Variants in STX6 observed in about 807,000 individuals in gnomAD.
STX6 encodes the protein syntaxin-6.
A neutral mutation model predicts 38.0 loss-of-function variants in STX6; 23 were observed. That is an observed-to-expected ratio of 0.60 (90% CI 0.43 to 0.86). STX6 has a LOEUF of 0.86. Among genes scored for constraint, STX6 ranks in the 40% least tolerant of loss-of-function variants. The pLI is 0.00. For missense variants in STX6, 274 were observed against 312.9 expected (o/e 0.88, Z 0.94); for synonymous variants, 123 against 107.5 (o/e 1.14, Z -0.89).
intron 1 of STX6, among the ~76,000 whole-genome samples, chr1:181,019,228 T>C (rs563675920): frequency 6.6e-6 from 1 of 152,240 alleles, no homozygotes; most frequent in East Asian, 1.9e-4. Flanking sequence ...ATTGCCCAAC[T>C]TAGGCCTTTG....
intron 3 of STX6, among the ~76,000 whole-genome samples, chr1:180,999,880 C>A (rs1453193541): frequency 6.6e-6 from 1 of 152,188 alleles, no homozygotes; most frequent in East Asian, 1.9e-4. Context: ...TCTGCTAACC[C>A]TCTGCTCCCT....
intron 5 of STX6, chr1:180,988,597 T>A: frequency 2.7e-6 from 1 of 375,356 alleles, no homozygotes; most frequent in Non-Finnish European, 5.0e-6. Context: ...CCAAGAGAGA[T>A]TTACTCTGGT....
chr1:181,005,035 C>T (rs1435653407), intron 2 of STX6, among the ~76,000 whole-genome samples: 1 of 150,900 alleles, frequency 6.6e-6, no homozygotes, highest in Non-Finnish European at 1.5e-5. Context: ...CCAGGGTCCA[C>T]AGTCATAATC....
At chr1:181,003,798 A>T (rs2102320890) in intron 2 of STX6, among the ~76,000 whole-genome samples, 1 of 152,330 alleles carries the variant, frequency 6.6e-6, no homozygotes, top group Non-Finnish European at 1.5e-5. Flanking sequence ...AGGCTATATA[A>T]TGAAGTTTTT....
At chr1:180,992,963 A>AT (rs1655795827) in intron 4 of STX6, among the ~76,000 whole-genome samples, 1 of 152,226 alleles carries the variant, frequency 6.6e-6, no homozygotes, top group Admixed American at 6.5e-5. Flanking sequence ...CATGACACAC[A>AT]TCTCTCCTCA....
intron 4 of STX6, 110 bp downstream of exon 4, chr1:180,993,253 A>G (rs1048671980): frequency 2.9e-6 from 2 of 697,126 alleles, no homozygotes; most frequent in African/African-American, 3.6e-5. Flanking sequence ...GCCTGCAAGC[A>G]GAAGTCTTCC....
chr1:181,012,949 C>A (rs541318314), intron 1 of STX6, among the ~76,000 whole-genome samples: 4 of 152,148 alleles, frequency 2.6e-5, no homozygotes, highest in African/African-American at 9.7e-5. Context: ...ATTGGTATTA[C>A]AGGCATGAGC....
intron 1 of STX6, among the ~76,000 whole-genome samples, chr1:181,022,017 CCT>C (rs1656742246): frequency 6.6e-6 from 1 of 152,140 alleles, no homozygotes; most frequent in South Asian, 2.1e-4. Context: ...CGACTGCTTT[CCT>C]CTCCTCACAT....
At chr1:180,992,344 C>T (rs1655778640) in intron 4 of STX6, among the ~76,000 whole-genome samples, 1 of 152,226 alleles carries the variant, frequency 6.6e-6, no homozygotes, top group South Asian at 2.1e-4. Context: ...CCTGCCCCTT[C>T]TTCAAGCTTC....
chr1:180,984,231 C>CA (rs112816132), intron 7 of STX6, among the ~76,000 whole-genome samples: 295 of 139,404 alleles, frequency 2.1e-3, no homozygotes, highest in African/African-American at 5.5e-3. Context: ...TAAGGCATCA[C>CA]AAAAAAAAAA....
At chr1:180,990,617 G>A (rs1205729517) in intron 4 of STX6, among the ~76,000 whole-genome samples, 3 of 152,080 alleles carry the variant, frequency 2.0e-5, no homozygotes, top group Non-Finnish European at 1.5e-5. Flanking sequence ...CACACACAAA[G>A]GCACAAGAAC....
chr1:180,988,386 C>G, intron 5 of STX6, 41 bp from the exon 6 acceptor site: 1 of 1,522,860 alleles, frequency 6.6e-7, no homozygotes, highest in Non-Finnish European at 9.1e-7. Context: ...TAAAATCCAT[C>G]TTACCTGGTT....
intron 1 of STX6, among the ~76,000 whole-genome samples, chr1:181,009,107 A>G (rs72709645): frequency 0.03 from 4,584 of 152,302 alleles, 91 homozygotes; most frequent in Non-Finnish European, 0.046. Context: ...TACAAATTAT[A>G]TATCTGATTA....
intron 7 of STX6, among the ~76,000 whole-genome samples, chr1:180,979,326 T>C (rs1655338700): frequency 6.6e-6 from 1 of 152,090 alleles, no homozygotes; most frequent in Non-Finnish European, 1.5e-5. Context: ...TCAATCAAGA[T>C]AATGTAGTAT....
intron 6 of STX6, among the ~76,000 whole-genome samples, chr1:180,985,545 A>T (rs1344900614): frequency 6.6e-6 from 1 of 152,252 alleles, no homozygotes; most frequent in African/African-American, 2.4e-5. Flanking sequence ...GGTGTGTGAC[A>T]GTGTGTCTGT....
intron 3 of STX6, among the ~76,000 whole-genome samples, chr1:181,000,865 C>T (rs980832718): frequency 7.5e-5 from 11 of 147,646 alleles, no homozygotes; most frequent in African/African-American, 2.2e-4. Flanking sequence ...CTTCAAAAAA[C>T]CTACTACTAC....
chr1:181,005,797 A>G (rs574194338), intron 1 of STX6, among the ~76,000 whole-genome samples: 1 of 152,354 alleles, frequency 6.6e-6, no homozygotes, highest in East Asian at 1.9e-4. Flanking sequence ...GGCAATGAGC[A>G]TTCCCACATG....
intron 7 of STX6, among the ~76,000 whole-genome samples, chr1:180,981,952 A>AT (rs1339274360): frequency 1.3e-5 from 2 of 152,108 alleles, no homozygotes; most frequent in East Asian, 3.8e-4. Context: ...CTCTCAAAAT[A>AT]TTTTTCTCCC....
chr1:180,979,479 T>G (rs978391724), intron 7 of STX6, among the ~76,000 whole-genome samples: 1 of 152,218 alleles, frequency 6.6e-6, no homozygotes, highest in Admixed American at 6.5e-5. Context: ...CTGAAACAAC[T>G]GGACATCCAT....
Sources: allele counts gnomAD v4.1 joint callset (sites outside exome capture counted in the v4.1 genomes callset), GRCh38; gene constraint gnomAD v4.1.1; transcripts MANE v1.5; gene names NCBI Gene and HGNC (gene_info 2026-07-23, HGNC 2026-07-21).